DLGAP2: variants seen among roughly 807,000 people sequenced by gnomAD.
DLGAP2 encodes disks large-associated protein 2.
Under a neutral mutation model 100.3 loss-of-function variants are expected in DLGAP2, and 26 were observed. That is an observed-to-expected ratio of 0.26 (90% CI 0.19 to 0.36). The LOEUF (loss-of-function observed/expected upper bound fraction) is 0.36. Among genes scored for constraint, DLGAP2 ranks in the 10% least tolerant of loss-of-function variants. The probability of loss-of-function intolerance (pLI) is 1.00; values close to 1 mark genes in which losing one functional copy is unlikely to be tolerated. For synonymous variants in DLGAP2, 886 were observed against 630.1 expected, an observed-to-expected ratio of 1.41 and a Z score of -6.08; for missense variants, 1,858 against 1,453.2, an observed-to-expected ratio of 1.28 and a Z score of -4.53.
chr8:1,266,413 C>T (rs1799452113), intron 3 of DLGAP2, among the ~76,000 whole-genome samples: 1 of 152,190 alleles, frequency 6.6e-6, no homozygotes. Context: ...TCTGCTGTCC[C>T]TTCCCGGGGT....
At chr8:1,006,385 C>T (rs549927690) in intron 2 of DLGAP2, among the ~76,000 whole-genome samples, 17 of 150,942 alleles carry the variant, frequency 1.1e-4, no homozygotes, top group African/African-American at 2.9e-4. Context: ...TTTATCACGT[C>T]GGGGACACCA....
At chr8:1,410,681 A>G (rs1196271569) in intron 3 of DLGAP2, among the ~76,000 whole-genome samples, 1 of 152,208 alleles carries the variant, frequency 6.6e-6, no homozygotes, top group East Asian at 1.9e-4. Context: ...CACGCACGGC[A>G]TCAGGGACAC....
intron 3 of DLGAP2, among the ~76,000 whole-genome samples, chr8:1,319,046 C>A (rs11782996): frequency 6.7e-6 from 1 of 148,788 alleles, no homozygotes; most frequent in Non-Finnish European, 1.5e-5. Flanking sequence ...GAACAATGGG[C>A]TCCCTGTTGC....
At chr8:1,187,707 G>A (rs550137606) in intron 2 of DLGAP2, among the ~76,000 whole-genome samples, 114 of 137,866 alleles carry the variant, frequency 8.3e-4, no homozygotes, top group African/African-American at 1.1e-3. Flanking sequence ...CCTCTGTGAC[G>A]TTTCCCTCAC....
chr8:1,318,804 C>A (rs1408552184), intron 3 of DLGAP2, among the ~76,000 whole-genome samples: 1 of 136,790 alleles, frequency 7.3e-6, no homozygotes, highest in East Asian at 2.5e-4. Flanking sequence ...CTCGCCCATC[C>A]TTGGGGCCTC....
At chr8:1,428,266 A>G (rs1054678803) in intron 3 of DLGAP2, among the ~76,000 whole-genome samples, 3 of 152,274 alleles carry the variant, frequency 2.0e-5, no homozygotes, top group Admixed American at 1.3e-4. Flanking sequence ...ATATAACACA[A>G]TGAGCAATTT....
At position 1,006,648 on chromosome 8, in the gene DLGAP2, G is replaced by C. The variant is rs62488476; in HGVS notation, c.73+98682G>C. Among the ~76,000 whole-genome samples, 4 of 58,896 alleles carry C rather than the reference G, an allele frequency of 6.8e-5. 1 individual carries two copies. The highest frequency in any genetic ancestry group is 2.0e-4 in the Admixed American group (1 of 5,028). 38.6% of individuals were successfully genotyped at this position (58,896 alleles called of 152,430 possible). On this transcript the variant is annotated intron_variant, in intron 2 of 14. Coordinates refer to ENST00000637795, the MANE Select transcript of DLGAP2 (RefSeq NM_001346810.2). ...GGGGACACCATGTGTCTGAAGTCTC[G>C]GGATGTGGTCCTTTATCACGTCGGG...
At chr8:856,171 A>ATCT (rs55832882) in intron 1 of DLGAP2, among the ~76,000 whole-genome samples, 10 of 126,594 alleles carry the variant, frequency 7.9e-5, no homozygotes, top group East Asian at 5.5e-4. Flanking sequence ...TAGTGGAAAA[A>ATCT]TCTTCTTCTT....
In DLGAP2 at chr8:928,970, C is replaced by CA. The variant is rs1443906488; in HGVS notation, c.73+21004_73+21005insA. Among the ~76,000 whole-genome samples, 7 of 144,906 alleles carry CA rather than the reference C, an allele frequency of 4.8e-5. No homozygotes were observed. The South Asian group carries it at 1.4e-3, about 29-fold the overall frequency. ...GTTTCTCTGGAAAGATGAAGACCCC[C>CA]CCCGCCATTCCCACTCTAAACATCC... On this transcript the variant is annotated intron_variant, in intron 2 of 14. Transcript: ENST00000637795.
At chr8:1,312,493 A>G (rs1800636005) in intron 3 of DLGAP2, among the ~76,000 whole-genome samples, 1 of 152,230 alleles carries the variant, frequency 6.6e-6, no homozygotes, top group African/African-American at 2.4e-5. Context: ...AGAAGAAAAC[A>G]CACATGGAGA....
chr8:1,556,404 C>A (rs544268525), intron 5 of DLGAP2, among the ~76,000 whole-genome samples: 37 of 152,170 alleles, frequency 2.4e-4, no homozygotes, highest in Non-Finnish European at 4.0e-4. Context: ...TGGCTCTGAC[C>A]TCTTCCTCCC....
chr8:1,219,340 C>T (rs755947263), intron 2 of DLGAP2, among the ~76,000 whole-genome samples: 3 of 152,082 alleles, frequency 2.0e-5, no homozygotes, highest in Non-Finnish European at 4.4e-5. Context: ...ATGTTGAATT[C>T]TATCGAAAGC....
intron 2 of DLGAP2, among the ~76,000 whole-genome samples, chr8:1,258,373 G>C (rs923397145): frequency 6.6e-6 from 1 of 151,906 alleles, no homozygotes; most frequent in African/African-American, 2.4e-5. Context: ...TTCGTAAGTG[G>C]GAGTTGAACA....
In DLGAP2 at chr8:760,932, T is replaced by C. The variant is rs867468503; in HGVS notation, c.18+23107T>C. ...CAGATCTTAGGTCTCAAATCAATTT[T>C]TGAGAGGAAGAATATTCCAATTTTG... On this transcript the variant is annotated intron_variant, in intron 1 of 14. Coordinates refer to ENST00000637795, the MANE Select transcript of DLGAP2 (RefSeq NM_001346810.2). Among the ~76,000 whole-genome samples the C allele has an allele frequency of 2.6e-5, 4 of 152,218 alleles. No individual in the cohort carries two copies. In the Middle Eastern group the frequency reaches 0.01, roughly 388 times the overall value.
chr8:1,098,450 A>G (rs1047338222), intron 2 of DLGAP2, among the ~76,000 whole-genome samples: 16 of 152,160 alleles, frequency 1.1e-4, no homozygotes, highest in African/African-American at 3.4e-4. Flanking sequence ...CTTTTTTACA[A>G]CTTGGTGGGT....
chr8:935,061 C>T (rs752072181), intron 2 of DLGAP2, among the ~76,000 whole-genome samples: 22 of 152,226 alleles, frequency 1.4e-4, no homozygotes, highest in Non-Finnish European at 2.6e-4. Flanking sequence ...CCAGCAGAAC[C>T]GTGTACCGCG....
chr8:825,963 C>T (rs548394965), intron 1 of DLGAP2, among the ~76,000 whole-genome samples: 14 of 152,252 alleles, frequency 9.2e-5, no homozygotes, highest in African/African-American at 2.9e-4. Context: ...TATTTTTATA[C>T]GCATTAACCA....
chr8:1,208,180 A>C (rs904153302), intron 2 of DLGAP2, among the ~76,000 whole-genome samples: 1 of 152,208 alleles, frequency 6.6e-6, no homozygotes, highest in African/African-American at 2.4e-5. Context: ...ATCTTCTAGA[A>C]TATTTAGGGT....
Position 1,678,452 on chromosome 8 carries a change from C to T in DLGAP2, c.2527C>T (p.Pro843Ser), listed in dbSNP as rs1169716867. ...YRTQVDTSTL[P>S]PPDPWLEPAI... is the part of the protein sequence containing the mutation. Reference sequence around the variant, plus strand: ...GACCCAAGTGGACACCTCCACCCTGCCCCCTCCAGACCCCTGGCTGGAGCC... The same window carrying T: ...GACCCAAGTGGACACCTCCACCCTGTCCCCTCCAGACCCCTGGCTGGAGCC... The change falls in exon 12 of 15, where the codon CCC becomes TCC. Residue 843 changes from proline (P) to serine (S), a missense_variant. Physicochemically the swap from Pro to Ser is moderately conservative, Grantham distance 74. Transcript: ENST00000637795. 2 of 1,613,392 alleles carry T rather than the reference C, an allele frequency of 1.2e-6. No individual in the cohort carries two copies. The highest frequency in any genetic ancestry group is 1.3e-5 in the African/African-American group (1 of 74,920).
Sources: gnomAD v4.1 joint callset for allele counts (sites outside exome capture counted in the v4.1 genomes callset) on GRCh38, gnomAD v4.1.1 for gene constraint, MANE v1.5 for transcripts, NCBI Gene and HGNC (gene_info 2026-07-23, HGNC 2026-07-21) for gene names.